The following ITIH4 variants were observed in gnomAD, a reference collection of about 807,000 sequenced individuals.
ITIH4 encodes inter-alpha-trypsin inhibitor heavy chain H4.
In ITIH4, 79 loss-of-function variants were observed where a neutral mutation model predicts 111.8. The observed-to-expected ratio is 0.71, with a 90% CI of 0.59 to 0.85. The LOEUF is 0.85. ITIH4 is among the 40% of genes least tolerant of loss of function. ITIH4 has a pLI of 0.00. For missense variants in ITIH4, 1,065 were observed against 1,195.8 expected, an observed-to-expected ratio of 0.89 and a Z score of 1.61; for synonymous variants, 472 against 468.3, an observed-to-expected ratio of 1.01 and a Z score of -0.10.
chr3:52,824,929 A>G lies in ITIH4; in HGVS notation c.789T>C (p.Phe263=). The G allele has an allele frequency of 1.2e-6, 2 of 1,613,752 alleles. No individual in the cohort carries two copies. The highest frequency in any genetic ancestry group is 1.7e-6 in the Non-Finnish European group (2 of 1,179,806). ...GCATTGTGGTTAGGCCCTCGGGGGC[A>G]AAGTAGTGTACAAAGTAGCCGTTCT... ...QIENGYFVHY[F]APEGLTTMPK... is the part of the protein sequence containing the mutation. Residue 263 remains phenylalanine (F), a synonymous_variant, in exon 7 of 24, where the codon TTT becomes TTC. Coordinates refer to ENST00000266041, the MANE Select transcript of ITIH4 (RefSeq NM_002218.5). This position sits in a 1 kb window ranked among gnomAD's most constrained non-coding sequence, Gnocchi z 4.3.
intron 6 of ITIH4, 60 bp downstream of exon 6, chr3:52,825,826 C>G: frequency 1.3e-6 from 2 of 1,555,474 alleles, no homozygotes; most frequent in Non-Finnish European, 1.7e-6. Flanking sequence ...TACCCAAGCT[C>G]AGGCCCTTGG....
At position 52,824,285 on chromosome 3, in the gene ITIH4, G is replaced by GC; in HGVS notation, c.1075dup (p.Ala359GlyfsTer36). 1.4e-5 allele frequency: 22 copies of GC among 1,613,684 alleles called. No homozygotes were observed. Among genetic ancestry groups the GC allele is most frequent in the Non-Finnish European group, 1.9e-5 (22 of 1,179,972 alleles). On this transcript the variant is annotated frameshift_variant, in exon 9 of 24. Coordinates refer to ENST00000266041, the MANE Select transcript of ITIH4 (RefSeq NM_002218.5). LOFTEE classifies it high-confidence loss of function. This position sits in a 1 kb window ranked among gnomAD's most constrained non-coding sequence, Gnocchi z 4.3. ...GTTGCTGCTGTCCAGCAACTGCACA[G>GC]CCATCAGCATTGCATCATTGATGTT...
chr3:52,820,441 G>A (rs1019464598), intron 13 of ITIH4, 124 bp from the exon 14 acceptor site: 35 of 1,211,686 alleles, frequency 2.9e-5, no homozygotes, highest in South Asian at 2.1e-4. Flanking sequence ...GGACTATATC[G>A]TAGGTGCAAT....
At chr3:52,819,616 A>G in intron 16 of ITIH4, 98 bp from the exon 17 acceptor site, 1 of 1,586,358 alleles carries the variant, frequency 6.3e-7, no homozygotes, top group Non-Finnish European at 8.6e-7. Context: ...CGGAGAGGGC[A>G]GCTATGTCCC....
At position 52,824,743 on chromosome 3, in the gene ITIH4, G is replaced by T; in HGVS notation, c.876+99C>A. 7.9e-7 allele frequency: 1 copy of T among 1,260,626 alleles called. No individual in the cohort carries two copies. The highest frequency in any genetic ancestry group is 1.1e-6 in the Non-Finnish European group (1 of 891,846). 78.1% of individuals were successfully genotyped at this position (1,260,626 alleles called of 1,614,324 possible). ...TCCTGAGAGCCACCCGCCCCATGGT[G>T]CCGAAAGGTGAAGCAAGGGGGTCTG... On this transcript the variant is annotated intron_variant, in intron 7 of 23. Coordinates refer to ENST00000266041, the MANE Select transcript of ITIH4 (RefSeq NM_002218.5). This position sits in a 1 kb window ranked among gnomAD's most constrained non-coding sequence, Gnocchi z 4.3.
Position 52,824,978 on chromosome 3 carries a change from C to A in ITIH4, c.760-20G>T. 1 of 1,545,058 alleles carries A rather than the reference C, an allele frequency of 6.5e-7. No homozygotes were observed. On this transcript the variant is annotated intron_variant, in intron 6 of 23. Coordinates refer to ENST00000266041, the MANE Select transcript of ITIH4 (RefSeq NM_002218.5). This position sits in a 1 kb window ranked among gnomAD's most constrained non-coding sequence, Gnocchi z 4.3. ...CTCGATCTGTGGCCAGAGTGAGACC[C>A]ACCCAGGCCATCAGAGCTACAATTG...
At chr3:52,820,117 G>C in intron 14 of ITIH4, 127 bp from the exon 15 acceptor site, 1 of 1,270,526 alleles carries the variant, frequency 7.9e-7, no homozygotes, top group South Asian at 1.3e-5. Flanking sequence ...ATGCACAGGC[G>C]ACTAAATGCA....
chr3:52,818,735 C>G (rs1370482360), intron 17 of ITIH4, 199 bp from the exon 18 acceptor site: 5 of 591,880 alleles, frequency 8.4e-6, no homozygotes. Context: ...CAGCTGCATT[C>G]GAGTGCAGAT....
At chr3:52,829,332 G>A (rs921580193) in intron 1 of ITIH4, 53 bp from the exon 2 acceptor site, 16 of 1,545,150 alleles carry the variant, frequency 1.0e-5, no homozygotes, top group Admixed American at 8.7e-5. Flanking sequence ...ACCTCAGCTC[G>A]GGGTGACGCT....
chr3:52,817,066 G>A lies in ITIH4; in HGVS notation c.2297-8C>T. ...GGCCAGTCACCTCAACCCCTGGGAG[G>A]ACCAGACCAGAGAGGTCATAGCTGG... is the stretch of plus-strand genomic sequence containing the variant. On this transcript the variant is annotated splice_region_variant and splice_polypyrimidine_tract_variant and intron_variant, in intron 20 of 23. Coordinates refer to ENST00000266041, the MANE Select transcript of ITIH4 (RefSeq NM_002218.5). The A allele has an allele frequency of 6.2e-7, 1 of 1,611,264 alleles. No individual in the cohort carries two copies. The highest frequency in any genetic ancestry group is 8.5e-7 in the Non-Finnish European group (1 of 1,178,540).
In ITIH4 at chr3:52,826,026, A is replaced by T. The variant is rs771852645; in HGVS notation, c.631-12T>A. 6.2e-7 allele frequency: 1 copy of T among 1,613,922 alleles called. No homozygotes were observed. The highest frequency in any genetic ancestry group is 8.5e-7 in the Non-Finnish European group (1 of 1,179,866). ...AACCGGATGTGAGCCTGGAGGAATA[A>T]TCCGGGCTGAAGTTGGGAGGAACAG... is the stretch of plus-strand genomic sequence containing the variant. On this transcript the variant is annotated splice_polypyrimidine_tract_variant and intron_variant, in intron 5 of 23. Transcript: ENST00000266041.
Position 52,823,882 on chromosome 3 carries a change from C to T in ITIH4, c.1294G>A (p.Asp432Asn). The change falls in exon 10 of 24, where the codon GAC becomes AAC. Residue 432 changes from aspartate (D) to asparagine (N), a missense_variant. By Grantham distance (23) the Asp-to-Asn change is conservative. Coordinates refer to ENST00000266041, the MANE Select transcript of ITIH4 (RefSeq NM_002218.5). ...SYAFLEKLALDNGGLARRIHE... is the reference protein window; with the variant it reads ...SYAFLEKLALNNGGLARRIHE... ...ATGCGCCGGGCCAGGCCGCCATTGT[C>T]CAGTGCCAGCTTCTCCAGGAAGGCA... 2 of 1,613,812 alleles carry T rather than the reference C, an allele frequency of 1.2e-6. No homozygotes were observed. The highest frequency in any genetic ancestry group is 1.7e-6 in the Non-Finnish European group (2 of 1,179,948).
At position 52,814,000 on chromosome 3, in the gene ITIH4, G is replaced by A; in HGVS notation, c.2698C>T (p.Gln900Ter). ...SDDGRRTLRVQGNDHSATRER... is the reference protein window; with the variant it reads ...SDDGRRTLRV ...CTGGTGGCAGAGTGGTCATTGCCCT[G>A]AACCCTCAGCGTGCGTCTGCCGTCA... The change falls in exon 23 of 24, where the codon CAG becomes TAG. Residue 900 changes from glutamine to a stop codon, truncating the protein, a stop_gained. Transcript: ENST00000266041. LOFTEE classifies it high-confidence loss of function. The A allele has an allele frequency of 1.2e-6, 2 of 1,613,384 alleles. No individual in the cohort carries two copies. Among genetic ancestry groups the A allele is most frequent in the Non-Finnish European group, 1.7e-6 (2 of 1,179,872 alleles).
At chr3:52,815,981 G>A (rs1474533918) in intron 21 of ITIH4, among the ~76,000 whole-genome samples, 4 of 152,142 alleles carry the variant, frequency 2.6e-5, no homozygotes, top group African/African-American at 4.8e-5. Context: ...CCACCACACC[G>A]GGCGTAGATC....
chr3:52,817,942 C>G (rs1304271786), intron 20 of ITIH4, 110 bp downstream of exon 20: 1 of 838,490 alleles, frequency 1.2e-6, no homozygotes, highest in Non-Finnish European at 2.1e-6. Context: ...ATGCTATGAT[C>G]TGGGAGGGGC....
chr3:52,824,396 C>T lies in ITIH4; in HGVS notation c.1045+1G>A. 6.2e-7 allele frequency: 1 copy of T among 1,614,022 alleles called. No homozygotes were observed. Among genetic ancestry groups the T allele is most frequent in the Non-Finnish European group, 8.5e-7 (1 of 1,179,942 alleles). The stretch of plus-strand genomic sequence containing the variant: ...CCCTGCAGGGCCACAGAGACACTTA[C>T]CTCCCAGGGCCTGGATGCCCGCAGC... On this transcript the variant is annotated splice_donor_variant, in intron 8 of 23. Transcript: ENST00000266041. LOFTEE classifies it high-confidence loss of function. The surrounding 1 kb of genome is among the most constrained non-coding windows in gnomAD (Gnocchi z 4.3).
At chr3:52,821,279 G>C (rs1425688705) in intron 11 of ITIH4, 149 bp from the exon 12 acceptor site, 1 of 885,340 alleles carries the variant, frequency 1.1e-6, no homozygotes, top group East Asian at 2.5e-5. Flanking sequence ...GGGGTAAGGA[G>C]GGGGCTTAGG....
intron 1 of ITIH4, among the ~76,000 whole-genome samples, 154 bp from the exon 2 acceptor site, chr3:52,829,433 G>A (rs1309508618): frequency 6.6e-6 from 1 of 152,198 alleles, no homozygotes; most frequent in Non-Finnish European, 1.5e-5. Flanking sequence ...TGAACCCAGT[G>A]AGGCATCTCA....
At chr3:52,820,554 G>GA (rs1578775245) in intron 13 of ITIH4, 77 bp downstream of exon 13, 1 of 1,508,490 alleles carries the variant, frequency 6.6e-7, no homozygotes, top group East Asian at 2.3e-5. Context: ...TCTTGGTCAG[G>GA]ATGCAGGGAA....
Sources: allele counts gnomAD v4.1 joint callset (sites outside exome capture counted in the v4.1 genomes callset), GRCh38; gene constraint gnomAD v4.1.1; non-coding constraint Gnocchi (gnomAD v3.1); transcripts MANE v1.5; gene names NCBI Gene and HGNC (gene_info 2026-07-23, HGNC 2026-07-21).